XKR9: variants seen among roughly 807,000 people sequenced by gnomAD.
The protein encoded by XKR9 is XK related 9, also known as XK-related protein 9.
XKR9 carries 32 observed loss-of-function variants against 32.0 expected under a neutral mutation model. The ratio of observed to expected loss-of-function variants is 1.00; its 90% CI spans 0.76 to 1.34. XKR9 has a LOEUF of 1.34. Among genes scored for constraint, XKR9 ranks in the 40% most tolerant of loss-of-function variants. The pLI, the probability that XKR9 is intolerant of heterozygous loss-of-function variation, is 0.00. For synonymous variants in XKR9, 168 were observed against 143.4 expected (o/e 1.17, Z -1.22); for missense variants, 546 against 429.7 (o/e 1.27, Z -2.39).
the XKR9 span, among the ~76,000 whole-genome samples, chr8:70,884,704 G>T: frequency 1.3e-5 from 2 of 152,076 alleles, no homozygotes; most frequent in Admixed American, 6.5e-5. Context: ...ATATTTGTGT[G>T]GGTCTGTTTC....
At chr8:70,926,402 A>G in the XKR9 span, among the ~76,000 whole-genome samples, 2 of 152,120 alleles carry the variant, frequency 1.3e-5, no homozygotes, top group Non-Finnish European at 2.9e-5. Flanking sequence ...CACTATATTT[A>G]CTTACATACT....
At chr8:70,903,914 A>G in the XKR9 span, among the ~76,000 whole-genome samples, 143 of 152,224 alleles carry the variant, frequency 9.4e-4, no homozygotes, top group Non-Finnish European at 2.9e-4. Flanking sequence ...GTCCTTCAGT[A>G]GCAGGTTGTT....
At chr8:70,780,628 C>G (rs925732653) in intron 2 of XKR9, among the ~76,000 whole-genome samples, 4 of 152,102 alleles carry the variant, frequency 2.6e-5, no homozygotes, top group African/African-American at 4.8e-5. Flanking sequence ...TCAGAGGAAG[C>G]ATGACTGCCG....
the XKR9 span, among the ~76,000 whole-genome samples, chr8:70,811,017 C>T: frequency 1.3e-5 from 2 of 152,096 alleles, no homozygotes; most frequent in Admixed American, 6.5e-5. Flanking sequence ...ACACCTATTC[C>T]AAAATTGACC....
At chr8:70,819,687 T>G in the XKR9 span, among the ~76,000 whole-genome samples, 1 of 152,340 alleles carries the variant, frequency 6.6e-6, no homozygotes, top group Admixed American at 6.5e-5. Context: ...AGGTACTTTG[T>G]ATCCTGGAAA....
At chr8:70,750,678 TG>T (rs949090974) in intron 2 of XKR9, among the ~76,000 whole-genome samples, 1 of 152,250 alleles carries the variant, frequency 6.6e-6, no homozygotes, top group African/African-American at 2.4e-5. Flanking sequence ...TAAAATTCAA[TG>T]GTTTTTAGCC....
the XKR9 span, among the ~76,000 whole-genome samples, chr8:70,818,096 C>T: frequency 6.6e-6 from 1 of 152,110 alleles, no homozygotes; most frequent in Non-Finnish European, 1.5e-5. Context: ...GCAGCAAGAA[C>T]AAATTTGACA....
At chr8:70,851,551 A>T in the XKR9 span, among the ~76,000 whole-genome samples, 1 of 152,238 alleles carries the variant, frequency 6.6e-6, no homozygotes, top group African/African-American at 2.4e-5. Flanking sequence ...GACTACAGTA[A>T]CCAAAACAGC....
At chr8:70,768,507 A>T (rs1563474233) in intron 2 of XKR9, among the ~76,000 whole-genome samples, 6 of 152,156 alleles carry the variant, frequency 3.9e-5, no homozygotes, top group Admixed American at 3.9e-4. Flanking sequence ...TCTGTCTAAT[A>T]TTGACAGTGG....
the XKR9 span, among the ~76,000 whole-genome samples, chr8:70,950,949 C>T: frequency 2.6e-5 from 4 of 152,172 alleles, no homozygotes; most frequent in Non-Finnish European, 5.9e-5. Flanking sequence ...GCTGGGATTA[C>T]AGGAGTGAGC....
At chr8:70,796,138 G>T in the XKR9 span, among the ~76,000 whole-genome samples, 1 of 151,654 alleles carries the variant, frequency 6.6e-6, no homozygotes, top group Non-Finnish European at 1.5e-5. Context: ...ACAGGGGTTT[G>T]GTGTACAGAT....
intron 2 of XKR9, among the ~76,000 whole-genome samples, chr8:70,752,440 G>A (rs1186098167): frequency 6.6e-6 from 1 of 152,148 alleles, no homozygotes; most frequent in African/African-American, 2.4e-5. Flanking sequence ...GCAGATAAGT[G>A]GAAGGGGAAG....
At chr8:70,911,140 A>C in the XKR9 span, among the ~76,000 whole-genome samples, 1 of 152,190 alleles carries the variant, frequency 6.6e-6, no homozygotes. Context: ...TCTTCATAAC[A>C]GTGCCTAGAC....
Position 70,734,859 on chromosome 8 carries a change from G to A in XKR9, c.*435G>A, listed in dbSNP as rs1806813499. 1 of 152,526 alleles carries A rather than the reference G, an allele frequency of 6.6e-6. No homozygotes were observed. Among genetic ancestry groups the A allele is most frequent in the Admixed American group, 6.5e-5 (1 of 15,298 alleles). The allele number at this position is 152,526 out of a possible 1,614,324, so 9.4% of individuals were successfully genotyped here. A position where few individuals can be genotyped will look rare whatever the true frequency, so the allele number is the denominator to read the frequency against. On this transcript the variant is annotated 3_prime_UTR_variant, in exon 5 of 5. Coordinates refer to ENST00000408926, the MANE Select transcript of XKR9 (RefSeq NM_001011720.2). The stretch of plus-strand genomic sequence containing the variant: ...GCAGTTGGGGACAGGTTGAGTAGAG[G>A]AAAAGGGAAAGAAGGGAAAGCAGAA...
At chr8:70,767,197 T>A (rs1807389307) in intron 2 of XKR9, among the ~76,000 whole-genome samples, 1 of 152,246 alleles carries the variant, frequency 6.6e-6, no homozygotes, top group South Asian at 2.1e-4. Flanking sequence ...TTTGTACCTC[T>A]GGTAGAATTC....
the XKR9 span, among the ~76,000 whole-genome samples, chr8:70,849,807 AT>A: frequency 6.6e-6 from 1 of 152,182 alleles, no homozygotes; most frequent in African/African-American, 2.4e-5. Flanking sequence ...ATCCCACAGA[AT>A]TACAAACTAC....
At chr8:70,756,859 T>C (rs1361357359) in intron 2 of XKR9, among the ~76,000 whole-genome samples, 1 of 152,162 alleles carries the variant, frequency 6.6e-6, no homozygotes, top group Non-Finnish European at 1.5e-5. Context: ...TTTAATGCCA[T>C]GGCTAGATCC....
the XKR9 span, among the ~76,000 whole-genome samples, chr8:70,805,502 C>T: frequency 9.2e-5 from 14 of 152,220 alleles, no homozygotes; most frequent in Admixed American, 8.5e-4. Context: ...GCCTAACACG[C>T]TAAGCTCCCT....
the XKR9 span, among the ~76,000 whole-genome samples, chr8:70,885,220 T>C: frequency 1.6e-4 from 24 of 152,302 alleles, no homozygotes; most frequent in Middle Eastern, 6.8e-3. Context: ...CTTTTGTATC[T>C]TGACCTTGTA....
Sources: allele counts gnomAD v4.1 joint callset (sites outside exome capture counted in the v4.1 genomes callset), GRCh38; gene constraint gnomAD v4.1.1; transcripts MANE v1.5; gene names NCBI Gene and HGNC (gene_info 2026-07-23, HGNC 2026-07-21).